IGDCC3: variants seen among roughly 807,000 people sequenced by gnomAD.
IGDCC3 encodes the protein immunoglobulin superfamily DCC subclass member 3.
In IGDCC3, 47 loss-of-function variants were observed where a neutral mutation model predicts 72.0. The ratio of observed to expected loss-of-function variants is 0.65; its 90% confidence interval spans 0.52 to 0.83. IGDCC3 has a LOEUF of 0.83. IGDCC3 is among the 40% of genes least tolerant of loss of function. IGDCC3 has a pLI of 0.00. For synonymous variants in IGDCC3, 477 were observed against 472.8 expected (o/e 1.01, Z -0.11); for missense variants, 1,038 against 1,091.3 (o/e 0.95, Z 0.69).
intron 2 of IGDCC3, among the ~76,000 whole-genome samples, chr15:65,365,415 C>G (rs1190437073): frequency 6.6e-6 from 1 of 152,116 alleles, no homozygotes; most frequent in Non-Finnish European, 1.5e-5. Context: ...AGTTCCTGCC[C>G]ATTATCACTG....
chr15:65,327,953 TGGACAGACAAGACGG>T lies in IGDCC3; in HGVS notation c.*941_*955del, dbSNP rs2090933877. 3 of 152,636 alleles carry T rather than the reference TGGACAGACAAGACGG, an allele frequency of 2.0e-5. No homozygotes were observed. The South Asian group carries it at 6.2e-4, about 32-fold the overall frequency. 9.5% of individuals were successfully genotyped at this position (152,636 alleles called of 1,614,324 possible). ...AGGATGGGCTGGCTCAAAATGGGAG[TGGACAGACAAGACGG>T]GGACAGGCGGTGTGCTGGGAGGTGG... On this transcript the variant is annotated 3_prime_UTR_variant, in exon 14 of 14. Coordinates refer to ENST00000327987, the MANE Select transcript of IGDCC3 (RefSeq NM_004884.4).
At chr15:65,369,862 C>T (rs376053224) in intron 2 of IGDCC3, among the ~76,000 whole-genome samples, 3 of 152,134 alleles carry the variant, frequency 2.0e-5, no homozygotes, top group African/African-American at 4.8e-5. Flanking sequence ...TCTCCTAACC[C>T]CCACTCCAAC....
rs145256493 is a variant in IGDCC3 at position 65,330,315 on chromosome 15, C to G, written c.1836G>C (p.Leu612Phe). The part of the protein sequence containing the change: ...DGNATVRFVS[L>F]RGASERTALS... ...CACCTGTCCTCTCAGATGCTCCCCT[C>G]AAAGACACAAAGCGGACTGTGGCAT... Residue 612 changes from leucine (L) to phenylalanine (F), a missense_variant, in exon 11 of 14, where the codon TTG (leucine) becomes TTC (phenylalanine). Coordinates refer to ENST00000327987, the MANE Select transcript of IGDCC3 (RefSeq NM_004884.4). 8 of 1,613,728 alleles carry G rather than the reference C, an allele frequency of 5.0e-6. No individual in the cohort carries two copies. In the South Asian group the frequency reaches 6.6e-5, roughly 13 times the overall value.
At position 65,334,981 on chromosome 15, in the gene IGDCC3, C is replaced by T; in HGVS notation, c.686-116G>A. On this transcript the variant is annotated intron_variant, in intron 4 of 13. Coordinates refer to ENST00000327987, the MANE Select transcript of IGDCC3 (RefSeq NM_004884.4). ...ACAAACACCAGCCCAGAAACCAGGT[C>T]CTGTGGGCAGAGAGATACCAGGAGA... The T allele has an allele frequency of 5.6e-6, 7 of 1,242,066 alleles. 1 individual carries two copies. In the South Asian group the frequency reaches 1.1e-4, roughly 19 times the overall value. The allele number at this position is 1,242,066 out of a possible 1,614,324, so 76.9% of individuals were successfully genotyped here.
In IGDCC3 at chr15:65,330,601, C is replaced by T. The variant is rs370445081; in HGVS notation, c.1702G>A (p.Gly568Ser). The T allele has an allele frequency of 7.1e-5, 115 of 1,613,580 alleles. 1 individual carries two copies. The East Asian group carries it at 1.2e-3, about 16-fold the overall frequency. Residue 568 changes from glycine to serine, a missense_variant, in exon 10 of 14, where the codon GGC (glycine) becomes AGC (serine). Gly to Ser is a moderately conservative substitution (Grantham distance 56). Transcript: ENST00000327987. ...YRPASKTSFT[G>S]PILLPGTVSS... ...ACGGTTCCAGGCAGCAGGATGGGGC[C>T]GGTGAAGGAGGTCTTGCTTGCTGGG...
At chr15:65,330,785 G>GTT in intron 9 of IGDCC3, 44 bp from the exon 10 acceptor site, 1 of 1,179,592 alleles carries the variant, frequency 8.5e-7, no homozygotes, top group Non-Finnish European at 1.2e-6. Flanking sequence ...CCCAGTGGAA[G>GTT]CTCTATCTTT....
chr15:65,332,679 G>C (rs940013988), intron 6 of IGDCC3, among the ~76,000 whole-genome samples: 1 of 152,198 alleles, frequency 6.6e-6, no homozygotes, highest in Non-Finnish European at 1.5e-5. Flanking sequence ...CCCGGTCTCC[G>C]GTAGGGAACA....
intron 2 of IGDCC3, among the ~76,000 whole-genome samples, chr15:65,338,392 C>T (rs904191438): frequency 2.6e-5 from 4 of 152,206 alleles, no homozygotes; most frequent in African/African-American, 9.7e-5. Flanking sequence ...GAAACTGAGG[C>T]CAGGCTCTCT....
chr15:65,334,896 C>A, intron 4 of IGDCC3, 31 bp from the exon 5 acceptor site: 1 of 1,593,066 alleles, frequency 6.3e-7, no homozygotes, highest in Non-Finnish European at 8.5e-7. Context: ...ATCCTCACTT[C>A]AGCTGGGGAC....
chr15:65,357,632 C>T (rs1029421999), intron 2 of IGDCC3, among the ~76,000 whole-genome samples: 1 of 152,232 alleles, frequency 6.6e-6, no homozygotes, highest in Admixed American at 6.5e-5. Context: ...TTTAACACTA[C>T]CAAGCACTAG....
chr15:65,345,584 AC>A (rs1380216368), intron 2 of IGDCC3, among the ~76,000 whole-genome samples: 4 of 151,694 alleles, frequency 2.6e-5, no homozygotes, highest in Non-Finnish European at 1.5e-5. Context: ...ACACACGCAC[AC>A]ACACGCATGC....
At chr15:65,336,028 G>T in intron 2 of IGDCC3, 72 bp from the exon 3 acceptor site, 2 of 1,508,564 alleles carry the variant, frequency 1.3e-6, no homozygotes, top group Admixed American at 1.8e-5. Context: ...GGCTGCAGTG[G>T]CGTCACAGGC....
At chr15:65,368,638 G>C (rs1400847855) in intron 2 of IGDCC3, among the ~76,000 whole-genome samples, 1 of 152,184 alleles carries the variant, frequency 6.6e-6, no homozygotes, top group Non-Finnish European at 1.5e-5. Context: ...CCCAAGGCAG[G>C]AGACCCAAGA....
rs1211185749 is a variant in IGDCC3 at position 65,330,979 on chromosome 15, T to C, written c.1561+71A>G. On this transcript the variant is annotated intron_variant, in intron 9 of 13. Coordinates refer to ENST00000327987, the MANE Select transcript of IGDCC3 (RefSeq NM_004884.4). Reference sequence around the variant, plus strand: ...CTGCACAGCGCACAACCAGAACAAGTGTGCATGGTGGTTCTGCTCTGATAC... The same window carrying C: ...CTGCACAGCGCACAACCAGAACAAGCGTGCATGGTGGTTCTGCTCTGATAC... 4.5e-6 allele frequency: 7 copies of C among 1,542,786 alleles called. No individual in the cohort carries two copies. In the East Asian group the frequency reaches 1.6e-4, roughly 35 times the overall value.
At chr15:65,345,390 C>T (rs1460114692) in intron 2 of IGDCC3, among the ~76,000 whole-genome samples, 2 of 152,080 alleles carry the variant, frequency 1.3e-5, no homozygotes, top group Non-Finnish European at 2.9e-5. Flanking sequence ...CCCGTCTCTA[C>T]AAAAAATACA....
chr15:65,335,454 C>T, intron 3 of IGDCC3, 33 bp from the exon 4 acceptor site: 1 of 1,587,840 alleles, frequency 6.3e-7, no homozygotes, highest in Non-Finnish European at 8.6e-7. Context: ...TGGCCACCAG[C>T]ACAGCCATTG....
In IGDCC3 at chr15:65,331,163, T is replaced by G; in HGVS notation, c.1448A>C (p.His483Pro). The G allele has an allele frequency of 6.2e-7, 1 of 1,614,010 alleles. No individual in the cohort carries two copies. The highest frequency in any genetic ancestry group is 8.5e-7 in the Non-Finnish European group (1 of 1,179,970). Residue 483 changes from histidine to proline, a missense_variant, in exon 9 of 14, where the codon CAC (histidine) becomes CCC (proline). Physicochemically the swap from His to Pro is moderately conservative, Grantham distance 77. Transcript: ENST00000327987. ...GGAGGGCTCCAGGTCGCTGACCAGG[T>G]GCTGAAAGGTGCTCTTGCTGACTGC... ...QEAVSKSTFQ[H>P]LVSDLEPSTA...
intron 2 of IGDCC3, 88 bp downstream of exon 2, chr15:65,375,008 TG>T: frequency 1.7e-6 from 2 of 1,181,898 alleles, no homozygotes; most frequent in Non-Finnish European, 2.4e-6. Context: ...CTGCATAAGA[TG>T]GGACTGCTCC....
intron 2 of IGDCC3, among the ~76,000 whole-genome samples, chr15:65,336,860 T>C (rs2091034097): frequency 6.6e-6 from 1 of 151,416 alleles, no homozygotes. Flanking sequence ...CCCCTCCCAC[T>C]CGGGTTCCCA....
Sources: gnomAD v4.1 joint callset for allele counts (sites outside exome capture counted in the v4.1 genomes callset) on GRCh38, gnomAD v4.1.1 for gene constraint, MANE v1.5 for transcripts, NCBI Gene and HGNC (gene_info 2026-07-23, HGNC 2026-07-21) for gene names.